Variants in TBXAS1 observed in about 807,000 individuals in gnomAD.
The protein encoded by TBXAS1 is thromboxane-A synthase.
Under a neutral mutation model 60.7 loss-of-function variants are expected in TBXAS1, and 48 were observed. The observed-to-expected ratio is 0.79, with a 90% confidence interval of 0.63 to 1.01. The LOEUF (loss-of-function observed/expected upper bound fraction) is 1.01. Ranked by LOEUF, TBXAS1 falls within the 50% of genes least tolerant of loss-of-function variation. The probability of loss-of-function intolerance (pLI) is 0.00; values close to 1 mark genes in which losing one functional copy is unlikely to be tolerated. For missense variants in TBXAS1, 685 were observed against 686.3 expected (o/e 1.00, Z 0.02); for synonymous variants, 287 against 269.7 (o/e 1.06, Z -0.63).
At chr7:139,964,287 G>C (rs527792332) in intron 9 of TBXAS1, among the ~76,000 whole-genome samples, 1 of 152,158 alleles carries the variant, frequency 6.6e-6, no homozygotes, top group Non-Finnish European at 1.5e-5. Flanking sequence ...GTTTCACCAC[G>C]TTGGTCAGGC....
At chr7:139,806,181 C>G (rs1797870757) in intron 4 of TBXAS1, among the ~76,000 whole-genome samples, 1 of 151,934 alleles carries the variant, frequency 6.6e-6, no homozygotes, top group Admixed American at 6.6e-5. Context: ...TCAAGTGATC[C>G]ACCTGCCTCA....
intron 1 of TBXAS1, among the ~76,000 whole-genome samples, chr7:139,835,224 G>A (rs527450944): frequency 1.3e-5 from 2 of 151,946 alleles, no homozygotes; most frequent in African/African-American, 2.4e-5. Flanking sequence ...CCGCCACCAC[G>A]CTGGCTAATT....
At chr7:139,811,032 C>A (rs1010201149) in intron 4 of TBXAS1, among the ~76,000 whole-genome samples, 2 of 152,176 alleles carry the variant, frequency 1.3e-5, no homozygotes, top group Admixed American at 6.5e-5. Flanking sequence ...TCTATCCATA[C>A]ACACACACAT....
chr7:139,948,364 T>C (rs978642388), intron 5 of TBXAS1, among the ~76,000 whole-genome samples: 1 of 152,172 alleles, frequency 6.6e-6, no homozygotes, highest in Non-Finnish European at 1.5e-5. Flanking sequence ...ACACCAATCC[T>C]ATTGGATCAG....
intron 9 of TBXAS1, among the ~76,000 whole-genome samples, chr7:139,977,581 G>C (rs1811657245): frequency 6.6e-6 from 1 of 152,080 alleles, no homozygotes; most frequent in African/African-American, 2.4e-5. Flanking sequence ...GCCTAGGGAC[G>C]TTCCATCACA....
At chr7:139,806,463 A>T (rs1797881568) in intron 4 of TBXAS1, among the ~76,000 whole-genome samples, 1 of 150,620 alleles carries the variant, frequency 6.6e-6, no homozygotes, top group Non-Finnish European at 1.5e-5. Flanking sequence ...GGGTTTTGCC[A>T]TGTTGCCCAG....
chr7:139,972,711 G>T (rs1811294614), intron 9 of TBXAS1, among the ~76,000 whole-genome samples: 1 of 151,964 alleles, frequency 6.6e-6, no homozygotes, highest in Non-Finnish European at 1.5e-5. Context: ...GGAGGCCCTG[G>T]CTTTGTTTTG....
chr7:139,839,676 CAA>C (rs1297739214), intron 1 of TBXAS1, among the ~76,000 whole-genome samples: 4,500 of 89,214 alleles, frequency 0.05, 216 homozygotes, highest in African/African-American at 0.16. Context: ...CTGCTTCTAC[CAA>C]AAAAAAAAAA....
rs1400432849 is a variant in TBXAS1 at position 139,823,353 on chromosome 7, T to A, written c.-79-5959T>A. Among the ~76,000 whole-genome samples, 14 of 151,964 alleles carry A rather than the reference T, an allele frequency of 9.2e-5. 1 individual carries two copies. The highest frequency in any genetic ancestry group is 9.2e-4 in the Admixed American group (14 of 15,266). On this transcript the variant is annotated intron_variant, in intron 4 of 16. Transcript: ENST00000336425. ...CATCTACTGCCAGGTCCCCAGTGAT[T>A]ATTCAATAAGTGTTTTCTAGAAGAA...
intron 3 of TBXAS1, among the ~76,000 whole-genome samples, chr7:139,898,149 C>T (rs1184347482): frequency 1.3e-5 from 2 of 152,208 alleles, no homozygotes; most frequent in African/African-American, 4.8e-5. Context: ...AGTTGAGCAT[C>T]TCAGACACTC....
At chr7:139,965,574 G>T (rs938213260) in intron 9 of TBXAS1, among the ~76,000 whole-genome samples, 5 of 152,058 alleles carry the variant, frequency 3.3e-5, no homozygotes, top group African/African-American at 1.2e-4. Context: ...TCTGATGCAG[G>T]TGGTCCCTGG....
At chr7:139,891,727 C>T (rs1301646897) in intron 3 of TBXAS1, among the ~76,000 whole-genome samples, 3 of 152,188 alleles carry the variant, frequency 2.0e-5, no homozygotes, top group African/African-American at 7.2e-5. Flanking sequence ...ATAATAGATG[C>T]TCAGTAAATA....
At chr7:139,799,641 G>A (rs977172303) in intron 4 of TBXAS1, among the ~76,000 whole-genome samples, 1 of 152,170 alleles carries the variant, frequency 6.6e-6, no homozygotes, top group Non-Finnish European at 1.5e-5. Context: ...ACAGGCATGA[G>A]CCACCACGCC....
At chr7:139,996,483 G>A (rs1016213180) in intron 9 of TBXAS1, among the ~76,000 whole-genome samples, 1 of 152,114 alleles carries the variant, frequency 6.6e-6, no homozygotes, top group Admixed American at 6.5e-5. Flanking sequence ...AGCTGCTCAC[G>A]GTCTCACCCA....
At chr7:139,794,687 C>G (rs1470746065) in intron 4 of TBXAS1, among the ~76,000 whole-genome samples, 1 of 75,378 alleles carries the variant, frequency 1.3e-5, no homozygotes, top group African/African-American at 5.0e-5. Context: ...ACAACAGTCC[C>G]CAGAGTGTGA....
At chr7:140,003,814 G>A (rs1569524310) in intron 9 of TBXAS1, among the ~76,000 whole-genome samples, 1 of 151,968 alleles carries the variant, frequency 6.6e-6, no homozygotes, top group East Asian at 1.9e-4. Context: ...GTTAAGATTC[G>A]TTTGGTTGCA....
chr7:139,913,201 G>C, intron 4 of TBXAS1: 1 of 697,790 alleles, frequency 1.4e-6, no homozygotes, highest in Non-Finnish European at 2.6e-6. Flanking sequence ...CTTCTCTGCT[G>C]CCTCTAGATT....
intron 6 of TBXAS1, 151 bp from the exon 7 acceptor site, chr7:139,955,308 C>G (rs1809756444): frequency 8.8e-6 from 9 of 1,022,938 alleles, no homozygotes; most frequent in Non-Finnish European, 1.2e-5. Flanking sequence ...CCTCCACCTC[C>G]CCCCAGATCT....
At chr7:139,987,130 A>T (rs1364621860) in intron 9 of TBXAS1, among the ~76,000 whole-genome samples, 1 of 152,022 alleles carries the variant, frequency 6.6e-6, no homozygotes, top group Non-Finnish European at 1.5e-5. Context: ...GCCTGGAGCC[A>T]CCTTGGGGAG....
Sources: allele counts gnomAD v4.1 joint callset (sites outside exome capture counted in the v4.1 genomes callset), GRCh38; gene constraint gnomAD v4.1.1; transcripts MANE v1.5; gene names NCBI Gene and HGNC (gene_info 2026-07-23, HGNC 2026-07-21).